PYROXD2: variants seen among roughly 807,000 people sequenced by gnomAD.
The protein encoded by PYROXD2 is pyridine nucleotide-disulfide oxidoreductase domain-containing protein 2.
Under a neutral mutation model 71.1 loss-of-function variants are expected in PYROXD2, and 69 were observed. The ratio of observed to expected loss-of-function variants is 0.97; its 90% CI spans 0.80 to 1.19. PYROXD2 has a LOEUF of 1.19. Ranked by LOEUF, PYROXD2 falls within the 50% of genes most tolerant of loss-of-function variation. The pLI is 0.00. For missense variants in PYROXD2, 745 were observed against 748.9 expected, an observed-to-expected ratio of 0.99 and a Z score of 0.06; for synonymous variants, 287 against 302.7, an observed-to-expected ratio of 0.95 and a Z score of 0.54.
At chr10:98,409,635 C>T (rs1843721957) in intron 2 of PYROXD2, among the ~76,000 whole-genome samples, 1 of 152,156 alleles carries the variant, frequency 6.6e-6, no homozygotes, top group Admixed American at 6.5e-5. Context: ...CTGCATGTGC[C>T]AGGTCCTAGC....
At chr10:98,400,653 G>A (rs945150567) in intron 4 of PYROXD2, among the ~76,000 whole-genome samples, 1 of 152,082 alleles carries the variant, frequency 6.6e-6, no homozygotes, top group Non-Finnish European at 1.5e-5. Context: ...GCCATGCCAT[G>A]TCATACCACA....
chr10:98,415,106 C>G lies in PYROXD2; in HGVS notation c.30G>C (p.Lys10Asn), dbSNP rs141531625. The change falls in exon 1 of 16, where the codon AAG becomes AAC. Residue 10 changes from lysine to asparagine, a missense_variant. Physicochemically the swap from Lys to Asn is moderately conservative, Grantham distance 94. Coordinates refer to ENST00000370575, the MANE Select transcript of PYROXD2 (RefSeq NM_032709.3). ...CCGGGAAGGGAGAGGCGGCCACAGC[C>G]TTGCAGAGACCTCGGCCACTTGCAG... The part of the protein sequence containing the change: MAASGRGLC[K>N]AVAASPFPAW... 6.2e-7 allele frequency: 1 copy of G among 1,613,714 alleles called. No individual in the cohort carries two copies. The highest frequency in any genetic ancestry group is 1.3e-5 in the African/African-American group (1 of 74,948).
Position 98,393,068 on chromosome 10 carries a change from G to T in PYROXD2, c.801C>A (p.His267Gln). 1 of 1,585,182 alleles carries T rather than the reference G, an allele frequency of 6.3e-7. No homozygotes were observed. Among genetic ancestry groups the T allele is most frequent in the East Asian group, 2.3e-5 (1 of 44,380 alleles). The change falls in exon 9 of 16, where the codon CAC (histidine) becomes CAA (glutamine). Residue 267 changes from histidine to glutamine, a missense_variant. His to Gln is a conservative substitution (Grantham distance 24). Coordinates refer to ENST00000370575, the MANE Select transcript of PYROXD2 (RefSeq NM_032709.3). Reference sequence around the variant, plus strand: ...TTCCCTCCAGGCCCCCCATCACATGGTGCAGCAGCACATACCTGTGGACAG... The same window carrying T: ...TTCCCTCCAGGCCCCCCATCACATGTTGCAGCAGCACATACCTGTGGACAG... ...HTPGSGYVLL[H>Q]HVMGGLEGMQ...
intron 9 of PYROXD2, 140 bp from the exon 10 acceptor site, chr10:98,392,706 T>C: frequency 7.1e-7 from 1 of 1,402,382 alleles, no homozygotes; most frequent in East Asian, 2.4e-5. Context: ...GTTCTGCAGC[T>C]TCTCCATGAA....
At chr10:98,412,353 C>T (rs7910014) in intron 1 of PYROXD2, among the ~76,000 whole-genome samples, 54,837 of 151,966 alleles carry the variant, frequency 0.36, 11,017 homozygotes, top group African/African-American at 0.53. Context: ...ACTTCAGCTG[C>T]GGGCTCTGCT....
intron 10 of PYROXD2, 99 bp downstream of exon 10, chr10:98,392,333 T>A: frequency 2.0e-6 from 3 of 1,529,978 alleles, no homozygotes; most frequent in Non-Finnish European, 2.6e-6. Flanking sequence ...GGCTTTTGCA[T>A]CTCACACCCT....
At position 98,413,172 on chromosome 10, in the gene PYROXD2, G is replaced by A. The variant is rs185787809; in HGVS notation, c.127+1837C>T. 1.5e-4 allele frequency among the ~76,000 whole-genome samples: 23 copies of A among 152,234 alleles called. 1 individual carries two copies. In the East Asian group the frequency reaches 4.4e-3, roughly 29 times the overall value. On this transcript the variant is annotated intron_variant, in intron 1 of 15. Transcript: ENST00000370575. ...GGGTATCTCTCCTAAATCACATTGA[G>A]CAACCTCATCTTGGTAACAGAAAAG...
At chr10:98,400,040 A>C (rs1216934959) in intron 5 of PYROXD2, 62 bp downstream of exon 5, 2 of 1,578,826 alleles carry the variant, frequency 1.3e-6, no homozygotes, top group Admixed American at 3.4e-5. Flanking sequence ...AGGACAATCC[A>C]ACCAGGCCCA....
intron 4 of PYROXD2, among the ~76,000 whole-genome samples, chr10:98,403,949 G>C (rs946988231): frequency 3.9e-5 from 6 of 152,216 alleles, no homozygotes; most frequent in African/African-American, 1.4e-4. Flanking sequence ...GAATCCAAAA[G>C]TTATTTTAAG....
At chr10:98,393,772 C>T (rs1372297625) in intron 8 of PYROXD2, among the ~76,000 whole-genome samples, 2 of 152,154 alleles carry the variant, frequency 1.3e-5, no homozygotes, top group Non-Finnish European at 2.9e-5. Flanking sequence ...TTCCAAGCCT[C>T]CCCGGCTTGG....
rs530154576 is a variant in PYROXD2, at chr10:98,390,229, G to T, written c.1292+369C>A. 3.3e-5 allele frequency among the ~76,000 whole-genome samples: 5 copies of T among 152,314 alleles called. No homozygotes were observed. The South Asian group carries it at 1.0e-3, about 32-fold the overall frequency. On this transcript the variant is annotated intron_variant, in intron 12 of 15. Coordinates refer to ENST00000370575, the MANE Select transcript of PYROXD2 (RefSeq NM_032709.3). Reference sequence around the variant, plus strand: ...GCAAGAAGGCAGATTATCAGAAAAAGAAAGGCTACGGAGCAGGGGACTCGG... The same window carrying T: ...GCAAGAAGGCAGATTATCAGAAAAATAAAGGCTACGGAGCAGGGGACTCGG...
intron 14 of PYROXD2, 23 bp from the exon 15 acceptor site, chr10:98,385,090 A>G (rs1273084389): frequency 2.5e-6 from 4 of 1,613,166 alleles, no homozygotes; most frequent in Non-Finnish European, 8.5e-7. Context: ...GGCCACAGTC[A>G]TCAGCACAGG....
intron 2 of PYROXD2, among the ~76,000 whole-genome samples, chr10:98,409,512 C>T (rs1843717582): frequency 6.6e-6 from 1 of 152,230 alleles, no homozygotes; most frequent in Non-Finnish European, 1.5e-5. Flanking sequence ...AGCAAGAAAC[C>T]AAACTAGACT....
intron 4 of PYROXD2, among the ~76,000 whole-genome samples, chr10:98,406,561 C>T (rs528033229): frequency 6.6e-6 from 1 of 152,324 alleles, no homozygotes; most frequent in East Asian, 1.9e-4. Context: ...AACAGCTGGA[C>T]ATCTTACTAG....
At position 98,410,959 on chromosome 10, in the gene PYROXD2, C is replaced by T. The variant is rs866402823; in HGVS notation, c.128-1G>A. On this transcript the variant is annotated splice_acceptor_variant, in intron 1 of 15. Transcript: ENST00000370575. LOFTEE classifies it high-confidence loss of function. The stretch of plus-strand genomic sequence containing the variant: ...CTCACAGCCACCAGTCCGTTGTGTC[C>T]TGCAACAAAACGGGACAGGGAAGGA... 1 of 1,563,434 alleles carries T rather than the reference C, an allele frequency of 6.4e-7. No individual in the cohort carries two copies. The highest frequency in any genetic ancestry group is 8.7e-7 in the Non-Finnish European group (1 of 1,153,070).
chr10:98,392,621 G>C (rs1244531509), intron 9 of PYROXD2, 55 bp from the exon 10 acceptor site: 2 of 1,594,412 alleles, frequency 1.3e-6, no homozygotes, highest in Non-Finnish European at 8.5e-7. Flanking sequence ...ATCCATGTTA[G>C]ATCTTCCGGG....
chr10:98,394,466 C>CCTTCTAG (rs573330761), intron 8 of PYROXD2, among the ~76,000 whole-genome samples: 195 of 151,842 alleles, frequency 1.3e-3, no homozygotes, highest in Non-Finnish European at 2.2e-3. Context: ...CACGTCGACG[C>CCTTCTAG]CTTCTAGCTT....
chr10:98,414,761 A>C (rs1843931465), intron 1 of PYROXD2: 1 of 485,394 alleles, frequency 2.1e-6, no homozygotes, highest in African/African-American at 2.0e-5. Flanking sequence ...CCATGGGAAG[A>C]TCCAAGCCCA....
chr10:98,400,360 T>C (rs1843352085), intron 4 of PYROXD2, 103 bp from the exon 5 acceptor site: 1 of 1,159,218 alleles, frequency 8.6e-7, no homozygotes, highest in Non-Finnish European at 1.2e-6. Context: ...TACCTGTGTG[T>C]AGGTTCCCAA....
Sources: gnomAD v4.1 joint callset for allele counts (sites outside exome capture counted in the v4.1 genomes callset) on GRCh38, gnomAD v4.1.1 for gene constraint, MANE v1.5 for transcripts, NCBI Gene and HGNC (gene_info 2026-07-23, HGNC 2026-07-21) for gene names.